ASAP1: variants seen among roughly 807,000 people sequenced by gnomAD.
ASAP1 encodes the protein ArfGAP with SH3 domain, ankyrin repeat and PH domain 1, also known as arf-GAP with SH3 domain, ANK repeat and PH domain-containing protein 1.
In ASAP1, 43 loss-of-function variants were observed where a neutral mutation model predicts 145.2. That is an observed-to-expected ratio of 0.30 (90% CI 0.23 to 0.38). The LOEUF is 0.38. ASAP1 is among the 10% of genes least tolerant of loss of function. The pLI, the probability that ASAP1 is intolerant of heterozygous loss-of-function variation, is 1.00. For missense variants in ASAP1, 1,018 were observed against 1,355.3 expected (o/e 0.75, Z 3.91); for synonymous variants, 546 against 515.5 (o/e 1.06, Z -0.80).
intron 29 of ASAP1, among the ~76,000 whole-genome samples, chr8:130,057,607 C>T (rs1366795619): frequency 1.3e-5 from 2 of 152,080 alleles, no homozygotes; most frequent in Non-Finnish European, 2.9e-5. Flanking sequence ...TGCCACCATG[C>T]CCAGTTAATT....
chr8:130,217,756 AG>A (rs1203543985), intron 4 of ASAP1, among the ~76,000 whole-genome samples: 4 of 152,336 alleles, frequency 2.6e-5, no homozygotes, highest in Admixed American at 2.6e-4. Context: ...GAAATAGCGT[AG>A]GATGTTCAAT....
intron 1 of ASAP1, among the ~76,000 whole-genome samples, chr8:130,416,393 G>A (rs532036739): frequency 1.3e-5 from 2 of 152,236 alleles, no homozygotes; most frequent in Non-Finnish European, 2.9e-5. Flanking sequence ...ATTAATTAAT[G>A]AATGCCTAAA....
chr8:130,282,763 T>C (rs1181243547), intron 3 of ASAP1, among the ~76,000 whole-genome samples: 1 of 151,968 alleles, frequency 6.6e-6, no homozygotes, highest in Non-Finnish European at 1.5e-5. Flanking sequence ...TGAAATAGAG[T>C]GTGGTGGGGG....
intron 1 of ASAP1, among the ~76,000 whole-genome samples, chr8:130,403,759 G>A (rs7823146): frequency 0.32 from 49,011 of 151,594 alleles, 8,691 homozygotes; most frequent in African/African-American, 0.46. Context: ...TCGCCATGTC[G>A]AGCAGGCTGG....
At chr8:130,167,061 T>G (rs1167312282) in intron 11 of ASAP1, among the ~76,000 whole-genome samples, 1 of 152,142 alleles carries the variant, frequency 6.6e-6, no homozygotes, top group Non-Finnish European at 1.5e-5. Flanking sequence ...CCCAGAATTT[T>G]GGGAGGCCGA....
rs753084764 is a variant in ASAP1, at chr8:130,116,661, C to T, written c.2064+17G>A. 27 of 1,610,032 alleles carry T rather than the reference C, an allele frequency of 1.7e-5. No homozygotes were observed. The highest frequency in any genetic ancestry group is 1.2e-4 in the African/African-American group (9 of 74,842). On this transcript the variant is annotated intron_variant, in intron 22 of 29. Transcript: ENST00000518721. The stretch of plus-strand genomic sequence containing the variant: ...CAGCCAATGTCTAATAAATCTCCCA[C>T]GTCCATTTTTGCTTACCAGATCTTC...
At position 130,228,375 on chromosome 8, in the gene ASAP1, G is replaced by T. The variant is rs564113538; in HGVS notation, c.259+8547C>A. On this transcript the variant is annotated intron_variant, in intron 4 of 29. Transcript: ENST00000518721. Reference sequence around the variant, plus strand: ...GGCCACAGAGAACACAGATGTGCTGGGTGCTCCAAAAGTATGTGTGTTTGT... The same window carrying T: ...GGCCACAGAGAACACAGATGTGCTGTGTGCTCCAAAAGTATGTGTGTTTGT... Among the ~76,000 whole-genome samples, 4 of 152,168 alleles carry T rather than the reference G, an allele frequency of 2.6e-5. No homozygotes were observed. In the South Asian group the frequency reaches 8.3e-4, roughly 32 times the overall value.
At chr8:130,260,202 G>C (rs1362913598) in intron 3 of ASAP1, among the ~76,000 whole-genome samples, 1 of 152,096 alleles carries the variant, frequency 6.6e-6, no homozygotes, top group African/African-American at 2.4e-5. Flanking sequence ...TGAACTAATA[G>C]ATCTGAGTAA....
At chr8:130,308,871 G>A (rs1373893619) in intron 3 of ASAP1, among the ~76,000 whole-genome samples, 3 of 152,006 alleles carry the variant, frequency 2.0e-5, no homozygotes, top group Non-Finnish European at 4.4e-5. Context: ...GTAAAACCTG[G>A]TCTCTACTAA....
intron 14 of ASAP1, among the ~76,000 whole-genome samples, chr8:130,134,823 T>C (rs1425501611): frequency 6.6e-6 from 1 of 152,246 alleles, no homozygotes; most frequent in Admixed American, 6.5e-5. Context: ...CAATTGTTAC[T>C]GTGTTTTCTT....
chr8:130,314,399 A>G (rs1476381449), intron 3 of ASAP1, among the ~76,000 whole-genome samples: 1 of 152,224 alleles, frequency 6.6e-6, no homozygotes, highest in Non-Finnish European at 1.5e-5. Context: ...ATCTTGAAAC[A>G]TTACAAAGTG....
chr8:130,385,934 G>C (rs2138433175), intron 2 of ASAP1, among the ~76,000 whole-genome samples: 1 of 152,300 alleles, frequency 6.6e-6, no homozygotes, highest in South Asian at 2.1e-4. Flanking sequence ...CCTGAAGTCT[G>C]GGAATGATCA....
rs573122808 is a variant in ASAP1 at position 130,146,687 on chromosome 8, A to G, written c.1080+6049T>C. Among the ~76,000 whole-genome samples, 3 of 152,250 alleles carry G rather than the reference A, an allele frequency of 2.0e-5. No homozygotes were observed. In the East Asian group the frequency reaches 5.8e-4, roughly 29 times the overall value. Reference sequence around the variant, plus strand: ...GTATGTGCTTTCAGTGCTTCTTTTAAAGCCCTGGAAGCTGAATGTTATCTT... The same window carrying G: ...GTATGTGCTTTCAGTGCTTCTTTTAGAGCCCTGGAAGCTGAATGTTATCTT... On this transcript the variant is annotated intron_variant, in intron 13 of 29. Coordinates refer to ENST00000518721, the MANE Select transcript of ASAP1 (RefSeq NM_018482.4).
At chr8:130,377,032 G>T (rs998919017) in intron 2 of ASAP1, among the ~76,000 whole-genome samples, 14 of 151,854 alleles carry the variant, frequency 9.2e-5, no homozygotes, top group Non-Finnish European at 2.9e-5. Context: ...GAGTTGAATG[G>T]ACTTTGCCAT....
At chr8:130,192,076 AG>A (rs1169734063) in intron 5 of ASAP1, among the ~76,000 whole-genome samples, 1 of 152,082 alleles carries the variant, frequency 6.6e-6, no homozygotes, top group Non-Finnish European at 1.5e-5. Context: ...TCAAAGACAA[AG>A]GGATTTCTAC....
In ASAP1 at chr8:130,103,448, T is replaced by C. The variant is rs189342329; in HGVS notation, c.2401+8646A>G. The stretch of plus-strand genomic sequence containing the variant: ...TTCCTTTTACTAATTTTGGATTTGG[T>C]TTGTCCTTGCTTTTCTAGTTCCTTG... On this transcript the variant is annotated intron_variant, in intron 24 of 29. Coordinates refer to ENST00000518721, the MANE Select transcript of ASAP1 (RefSeq NM_018482.4). 1.6e-3 allele frequency among the ~76,000 whole-genome samples: 246 copies of C among 152,296 alleles called. 1 individual carries two copies. The Middle Eastern group carries it at 0.02, about 13-fold the overall frequency.
chr8:130,324,434 A>G (rs992335260), intron 3 of ASAP1, among the ~76,000 whole-genome samples: 1 of 152,178 alleles, frequency 6.6e-6, no homozygotes, highest in African/African-American at 2.4e-5. Context: ...ACTTGCAAAG[A>G]AGTAATTTTT....
intron 24 of ASAP1, among the ~76,000 whole-genome samples, chr8:130,109,335 G>A (rs1036243412): frequency 3.3e-5 from 5 of 152,174 alleles, no homozygotes; most frequent in Non-Finnish European, 7.4e-5. Context: ...GGCTTTGCTT[G>A]ACGGTAATTT....
chr8:130,210,223 C>T (rs1387079896), intron 5 of ASAP1, among the ~76,000 whole-genome samples: 7 of 151,990 alleles, frequency 4.6e-5, no homozygotes, highest in Admixed American at 6.6e-5. Flanking sequence ...ATATAGCTAC[C>T]GTCTATTAAG....
Sources: gnomAD v4.1 joint callset for allele counts (sites outside exome capture counted in the v4.1 genomes callset) on GRCh38, gnomAD v4.1.1 for gene constraint, MANE v1.5 for transcripts, NCBI Gene and HGNC (gene_info 2026-07-23, HGNC 2026-07-21) for gene names.